GRM8: variants seen among roughly 807,000 people sequenced by gnomAD.
The protein encoded by GRM8 is metabotropic glutamate receptor 8.
In GRM8, 47 loss-of-function variants were observed where a neutral mutation model predicts 87.2. The observed-to-expected ratio is 0.54, with a 90% confidence interval of 0.43 to 0.69. The LOEUF (loss-of-function observed/expected upper bound fraction) is 0.69. Among genes scored for constraint, GRM8 ranks in the 30% least tolerant of loss-of-function variants. The pLI is 0.00. For synonymous variants in GRM8, 396 were observed against 404.5 expected (o/e 0.98, Z 0.25); for missense variants, 1,019 against 1,139.2 (o/e 0.89, Z 1.52).
intron 2 of GRM8, among the ~76,000 whole-genome samples, chr7:127,147,529 C>T (rs1336374364): frequency 6.6e-6 from 1 of 152,090 alleles, no homozygotes; most frequent in East Asian, 1.9e-4. Context: ...TATCCCCCCA[C>T]TCACCTTGCT....
intron 2 of GRM8, among the ~76,000 whole-genome samples, chr7:127,226,654 T>C (rs1402355407): frequency 6.6e-6 from 1 of 152,234 alleles, no homozygotes; most frequent in African/African-American, 2.4e-5. Flanking sequence ...GTTCCATGGT[T>C]TCAATATAAC....
chr7:127,015,055 GAAGAAGAAGAAGAAAGA>G (rs1815358782), intron 3 of GRM8, among the ~76,000 whole-genome samples: 1 of 113,150 alleles, frequency 8.8e-6, no homozygotes, highest in South Asian at 2.9e-4. Context: ...AGAAGAAGAA[GAAGAAGAAGAAGAAAGA>G]AAGAAGGAGA....
intron 9 of GRM8, among the ~76,000 whole-genome samples, chr7:126,509,710 T>TA (rs894863407): frequency 6.6e-6 from 1 of 151,968 alleles, no homozygotes; most frequent in African/African-American, 2.4e-5. Context: ...TAGCAAATGA[T>TA]AGAGATAAAA....
chr7:127,091,239 A>G (rs552150018), intron 3 of GRM8, among the ~76,000 whole-genome samples: 1 of 151,968 alleles, frequency 6.6e-6, no homozygotes, highest in Non-Finnish European at 1.5e-5. Flanking sequence ...TTGCACTGAG[A>G]ATCAGCTGAC....
At chr7:126,830,764 A>G (rs1196923606) in intron 6 of GRM8, among the ~76,000 whole-genome samples, 2 of 152,132 alleles carry the variant, frequency 1.3e-5, no homozygotes, top group Non-Finnish European at 1.5e-5. Context: ...GTTCCTTTGG[A>G]GGAGGAGAGG....
intron 7 of GRM8, among the ~76,000 whole-genome samples, chr7:126,765,018 T>A (rs977951149): frequency 1.3e-5 from 2 of 152,080 alleles, no homozygotes; most frequent in African/African-American, 2.4e-5. Context: ...ACAACCAAGT[T>A]TGTACTACTT....
At chr7:126,441,420 G>T (rs1238418827) in intron 10 of GRM8, among the ~76,000 whole-genome samples, 1 of 152,066 alleles carries the variant, frequency 6.6e-6, no homozygotes, top group Non-Finnish European at 1.5e-5. Flanking sequence ...AGCTTCTGGA[G>T]AATATAAATC....
intron 8 of GRM8, among the ~76,000 whole-genome samples, chr7:126,596,991 T>C (rs533926626): frequency 6.6e-6 from 1 of 152,280 alleles, no homozygotes; most frequent in East Asian, 1.9e-4. Context: ...TAAAATTTAG[T>C]ACATTTCTAT....
At chr7:127,117,212 T>C (rs1228590426) in intron 2 of GRM8, among the ~76,000 whole-genome samples, 1 of 152,210 alleles carries the variant, frequency 6.6e-6, no homozygotes, top group African/African-American at 2.4e-5. Context: ...GGCTTTGGGA[T>C]AGGACTTCAA....
chr7:126,707,671 T>A (rs980727595), intron 7 of GRM8, among the ~76,000 whole-genome samples: 4 of 152,166 alleles, frequency 2.6e-5, no homozygotes, highest in Non-Finnish European at 5.9e-5. Context: ...GTCTCTTTTA[T>A]AAATTACATT....
At chr7:126,673,477 C>A (rs924045197) in intron 7 of GRM8, among the ~76,000 whole-genome samples, 1 of 152,130 alleles carries the variant, frequency 6.6e-6, no homozygotes, top group Non-Finnish European at 1.5e-5. Context: ...TATGTTGCCT[C>A]ACTAGAAATA....
intron 8 of GRM8, among the ~76,000 whole-genome samples, chr7:126,581,925 C>T (rs2151014789): frequency 6.6e-6 from 1 of 152,182 alleles, no homozygotes; most frequent in Middle Eastern, 3.4e-3. Context: ...ACCCCCTGTT[C>T]CCCCATCTCT....
intron 7 of GRM8, among the ~76,000 whole-genome samples, chr7:126,711,558 C>T (rs1055453309): frequency 1.3e-5 from 2 of 152,178 alleles, no homozygotes; most frequent in African/African-American, 4.8e-5. Context: ...GCTGCATTAG[C>T]CCCTAACAAG....
chr7:126,489,587 C>T (rs945884397), intron 9 of GRM8, among the ~76,000 whole-genome samples: 1 of 152,056 alleles, frequency 6.6e-6, no homozygotes, highest in South Asian at 2.1e-4. Flanking sequence ...CAGATTTATA[C>T]AGGATACCAC....
At chr7:126,837,341 T>C (rs770209744) in intron 6 of GRM8, among the ~76,000 whole-genome samples, 1 of 152,238 alleles carries the variant, frequency 6.6e-6, no homozygotes, top group Non-Finnish European at 1.5e-5. Flanking sequence ...TCAACTGGTA[T>C]TATTTAGTTG....
chr7:126,890,653 G>A (rs1216768016), intron 6 of GRM8, among the ~76,000 whole-genome samples: 4 of 151,946 alleles, frequency 2.6e-5, no homozygotes, highest in South Asian at 2.1e-4. Context: ...GATATTACTC[G>A]GAAGGACTCT....
intron 3 of GRM8, among the ~76,000 whole-genome samples, chr7:126,919,195 T>C (rs1804242099): frequency 6.6e-6 from 1 of 152,316 alleles, no homozygotes. Context: ...ATGTTCCCTC[T>C]GCATGACCCT....
chr7:127,095,398 T>C (rs1264118574), intron 3 of GRM8, among the ~76,000 whole-genome samples: 1 of 152,096 alleles, frequency 6.6e-6, no homozygotes, highest in Admixed American at 6.5e-5. Context: ...GTAGGGGTGA[T>C]CATGGAAAGC....
At chr7:126,628,691 A>G (rs6975231) in intron 7 of GRM8, among the ~76,000 whole-genome samples, 103,954 of 152,128 alleles carry the variant, frequency 0.68, 36,097 homozygotes, top group Non-Finnish European at 0.73. Context: ...GAGTGTTGTT[A>G]GTTATTCAGG....
Sources: allele counts gnomAD v4.1 joint callset (sites outside exome capture counted in the v4.1 genomes callset), GRCh38; gene constraint gnomAD v4.1.1; transcripts MANE v1.5; gene names NCBI Gene and HGNC (gene_info 2026-07-23, HGNC 2026-07-21).